ZFTA: variants seen among roughly 807,000 people sequenced by gnomAD.
ZFTA encodes the protein zinc finger translocation-associated protein.
Under a neutral mutation model 41.8 loss-of-function variants are expected in ZFTA, and 35 were observed. That is an observed-to-expected ratio of 0.84 (90% confidence interval 0.64 to 1.11). The LOEUF (loss-of-function observed/expected upper bound fraction) is 1.11. Among genes scored for constraint, ZFTA ranks in the 50% most tolerant of loss-of-function variants. The pLI is 0.00. For missense variants in ZFTA, 964 were observed against 989.8 expected (o/e 0.97, Z 0.35); for synonymous variants, 514 against 436.4 (o/e 1.18, Z -2.22).
Position 63,763,774 on chromosome 11 carries a change from G to C in ZFTA, c.1681C>G (p.Pro561Ala), listed in dbSNP as rs2014693104. 2 of 1,460,356 alleles carry C rather than the reference G, an allele frequency of 1.4e-6. No homozygotes were observed. Among genetic ancestry groups the C allele is most frequent in the South Asian group, 2.9e-5 (2 of 68,866 alleles). 90.5% of individuals were successfully genotyped at this position (1,460,356 alleles called of 1,614,324 possible). ...DGQEPGGLAL[P>A]PPPPPPPPPP... ...GGAGGCGGGGGAGGAGGCGGCGGCG[G>C]CAAGGCGAGTCCCCCAGGCTCCTGG... The change falls in exon 5 of 5, where the codon CCG becomes GCG. Residue 561 changes from proline (P) to alanine (A), a missense_variant. Physicochemically the swap from Pro to Ala is conservative, Grantham distance 27 (BLOSUM62 -1). Coordinates refer to ENST00000433688, the MANE Select transcript of ZFTA (RefSeq NM_001144936.2).
chr11:63,763,579 G>T lies in ZFTA; in HGVS notation c.1876C>A (p.Pro626Thr). 1 of 1,548,590 alleles carries T rather than the reference G, an allele frequency of 6.5e-7. No homozygotes were observed. The change falls in exon 5 of 5, where the codon CCC becomes ACC. Residue 626 changes from proline (P) to threonine (T), a missense_variant. By Grantham distance (38) the Pro-to-Thr change is conservative. Transcript: ENST00000433688. ...TIKRHILQVH[P>T]FSMDFTPEER... Reference sequence around the variant, plus strand: ...TCAGGCGTGAAGTCCATGGAGAAGGGGTGCACCTGCAGGATGTGGCGCTTG... The same window carrying T: ...TCAGGCGTGAAGTCCATGGAGAAGGTGTGCACCTGCAGGATGTGGCGCTTG...
rs1321657785 is a variant in ZFTA at position 63,761,858 on chromosome 11, C to T, written c.*1560G>A. On this transcript the variant is annotated 3_prime_UTR_variant, in exon 5 of 5. Transcript: ENST00000433688. ...TGGGGGTCAGGGATGAGAGGAGGGGCCTCCTCTTTGCCCTCTGCTTTCCCA... is the reference window on the plus strand; with the variant it reads ...TGGGGGTCAGGGATGAGAGGAGGGGTCTCCTCTTTGCCCTCTGCTTTCCCA... 1 of 152,320 alleles carries T rather than the reference C, an allele frequency of 6.6e-6. No homozygotes were observed. Among genetic ancestry groups the T allele is most frequent in the Non-Finnish European group, 1.5e-5 (1 of 68,168 alleles). The allele number at this position is 152,320 out of a possible 1,614,324, so 9.4% of individuals were successfully genotyped here. A position where few individuals can be genotyped will look rare whatever the true frequency, so the allele number is the denominator to read the frequency against.
chr11:63,765,285 G>T lies in ZFTA; in HGVS notation c.638-31C>A. The T allele has an allele frequency of 7.0e-7, 1 of 1,430,692 alleles. No homozygotes were observed. 88.6% of individuals were successfully genotyped at this position (1,430,692 alleles called of 1,614,324 possible). ...AGGGTTGGAGGGAAGGAACTGAGAC[G>T]CTGGCCCCACGGGAGCATACCCACT... On this transcript the variant is annotated intron_variant, in intron 2 of 4. Transcript: ENST00000433688. The surrounding 1 kb of genome is among the most constrained non-coding windows in gnomAD (Gnocchi z 4.0).
chr11:63,765,354 GCC>G lies in ZFTA; in HGVS notation c.638-102_638-101del. ...AGCCTCTCACTCACTTGGGCCCCAG[GCC>G]TAACCTTTGCCCTTCTCTTCCTCTC... On this transcript the variant is annotated intron_variant, in intron 2 of 4. Transcript: ENST00000433688. This position sits in a 1 kb window ranked among gnomAD's most constrained non-coding sequence, Gnocchi z 4.0. The G allele has an allele frequency of 7.7e-7, 1 of 1,301,216 alleles. No homozygotes were observed. The highest frequency in any genetic ancestry group is 1.6e-5 in the South Asian group (1 of 60,768). The allele number at this position is 1,301,216 out of a possible 1,614,324, so 80.6% of individuals were successfully genotyped here.
chr11:63,766,445 G>GGGATGGCAGCAATAAAAC, intron 1 of ZFTA, 141 bp from the exon 2 acceptor site: 1 of 1,180,694 alleles, frequency 8.5e-7, no homozygotes, highest in Non-Finnish European at 1.1e-6. Flanking sequence ...AGCAATAAAA[G>GGGATGGCAGCAATAAAAC]GGATGGTAGA....
rs2014645571 is a variant in ZFTA at position 63,761,896 on chromosome 11, G to C, written c.*1522C>G. On this transcript the variant is annotated 3_prime_UTR_variant, in exon 5 of 5. Coordinates refer to ENST00000433688, the MANE Select transcript of ZFTA (RefSeq NM_001144936.2). The stretch of plus-strand genomic sequence containing the variant: ...CTCTGCTTTCCCACTCCTGGGCTCT[G>C]GCCTGGGGGTCCGGAATAAGAGGGG... 6.6e-6 allele frequency: 1 copy of C among 152,472 alleles called. No individual in the cohort carries two copies. Among genetic ancestry groups the C allele is most frequent in the South Asian group, 2.1e-4 (1 of 4,834 alleles). 9.4% of individuals were successfully genotyped at this position (152,472 alleles called of 1,614,324 possible).
At chr11:63,767,797 T>A (rs1402621051) in intron 1 of ZFTA, among the ~76,000 whole-genome samples, 1 of 151,680 alleles carries the variant, frequency 6.6e-6, no homozygotes, top group Non-Finnish European at 1.5e-5. Context: ...CCGCTAGAGC[T>A]GACAAATTAG....
At chr11:63,764,648 C>T in intron 3 of ZFTA, 50 bp from the exon 4 acceptor site, 1 of 1,268,342 alleles carries the variant, frequency 7.9e-7, no homozygotes, top group Non-Finnish European at 9.9e-7. Context: ...GGCTGGGTTG[C>T]CCTTGCCCAC....
Position 63,763,678 on chromosome 11 carries a change from A to G in ZFTA, c.1777T>C (p.Tyr593His), listed in dbSNP as rs1322009465. ...ACCAGGCCGCGCCGGCTGCCGTCGT[A>G]GTCCATCAGGTACTCGCCCCGCCAC... ...PRWRGEYLMD[Y>H]DGSRRGLVCM... The change falls in exon 5 of 5, where the codon TAC becomes CAC. Residue 593 changes from tyrosine to histidine, a missense_variant. Physicochemically the swap from Tyr to His is moderately conservative, Grantham distance 83 (BLOSUM62 2). Transcript: ENST00000433688. 3.9e-6 allele frequency: 6 copies of G among 1,540,926 alleles called. No individual in the cohort carries two copies. Among genetic ancestry groups the G allele is most frequent in the Non-Finnish European group, 5.3e-6 (6 of 1,142,534 alleles).
At position 63,765,154 on chromosome 11, in the gene ZFTA, C is replaced by T. The variant is rs1430374202; in HGVS notation, c.738G>A (p.Gly246=). ...GCCGGGCCCCCAGCCCCCTGCTGCC[C>T]CCGGCCCTCCGGGAGGCTGAGAGGC... ...RLRLSASRRA[G]GSRGLGARRL... Residue 246 remains glycine (G), a synonymous_variant, in exon 3 of 5, where the codon GGG becomes GGA. Coordinates refer to ENST00000433688, the MANE Select transcript of ZFTA (RefSeq NM_001144936.2). This position sits in a 1 kb window ranked among gnomAD's most constrained non-coding sequence, Gnocchi z 4.0. The T allele has an allele frequency of 6.5e-7, 1 of 1,546,218 alleles. No homozygotes were observed. Among genetic ancestry groups the T allele is most frequent in the Non-Finnish European group, 8.7e-7 (1 of 1,145,770 alleles).
In ZFTA at chr11:63,764,528, G is replaced by C; in HGVS notation, c.1095C>G (p.Ser365=). Residue 365 remains serine (S), a synonymous_variant, in exon 4 of 5, where the codon TCC becomes TCG. Transcript: ENST00000433688. The part of the protein sequence containing the change: ...RDSASAAGAP[S]SQDLSPPDVK... ...CGTCTGGGGGGCTGAGATCCTGAGAGGAGGGGGCTCCAGCAGCGGAGGCCG... is the reference window on the plus strand; with the variant it reads ...CGTCTGGGGGGCTGAGATCCTGAGACGAGGGGGCTCCAGCAGCGGAGGCCG... 1 of 1,257,368 alleles carries C rather than the reference G, an allele frequency of 8.0e-7. No homozygotes were observed. Among genetic ancestry groups the C allele is most frequent in the Non-Finnish European group, 1.0e-6 (1 of 995,570 alleles). 77.9% of individuals were successfully genotyped at this position (1,257,368 alleles called of 1,614,324 possible).
intron 1 of ZFTA, among the ~76,000 whole-genome samples, chr11:63,767,757 T>A (rs1053347363): frequency 1.3e-5 from 2 of 151,934 alleles, no homozygotes; most frequent in Non-Finnish European, 2.9e-5. Flanking sequence ...ACAGTCTCCT[T>A]TGAGAGCGAA....
At chr11:63,766,407 T>C (rs1338026350) in intron 1 of ZFTA, 103 bp from the exon 2 acceptor site, 1 of 1,321,738 alleles carries the variant, frequency 7.6e-7, no homozygotes, top group African/African-American at 1.5e-5. Flanking sequence ...GGGGAGGGGG[T>C]GTTCCGGGGC....
At chr11:63,767,860 G>C (rs2014771935) in intron 1 of ZFTA, among the ~76,000 whole-genome samples, 1 of 152,250 alleles carries the variant, frequency 6.6e-6, no homozygotes, top group Admixed American at 6.5e-5. Flanking sequence ...GGCCGGAGGG[G>C]TGCCTGCCTT....
rs1264519985 is a variant in ZFTA at position 63,762,735 on chromosome 11, C to T, written c.*683G>A. The T allele has an allele frequency of 6.6e-6, 1 of 152,380 alleles. No individual in the cohort carries two copies. The allele number at this position is 152,380 out of a possible 1,614,324, so 9.4% of individuals were successfully genotyped here. A position where few individuals can be genotyped will look rare whatever the true frequency, so the allele number is the denominator to read the frequency against. ...GTGGGGCCGCCGGGCGCACGGTTCT[C>T]ACTGAGCCTGCCGGGGAGGTAAGCG... On this transcript the variant is annotated 3_prime_UTR_variant, in exon 5 of 5. Transcript: ENST00000433688.
Position 63,766,136 on chromosome 11 carries a change from C to T in ZFTA, c.308G>A (p.Arg103His), listed in dbSNP as rs2014741642. The change falls in exon 2 of 5, where the codon CGC (arginine) becomes CAC (histidine). Residue 103 changes from arginine to histidine, a missense_variant. Physicochemically the swap from Arg to His is conservative, Grantham distance 29 (BLOSUM62 0). This residue lies in a region of ZFTA where 141 missense variants were observed against 216.7 expected (regional missense o/e 0.65). Coordinates refer to ENST00000433688, the MANE Select transcript of ZFTA (RefSeq NM_001144936.2). ...KSRIPGRDHR[R>H]YYHDHWRLEY... is the part of the protein sequence containing the mutation. ...CAGCCGCCAGTGGTCGTGGTAGTAG[C>T]GCCGGTGGTCACGGCCAGGGATGCG... 2.0e-6 allele frequency: 3 copies of T among 1,517,628 alleles called. No homozygotes were observed. The highest frequency in any genetic ancestry group is 1.3e-5 in the South Asian group (1 of 78,618). The allele number at this position is 1,517,628 out of a possible 1,614,324, so 94.0% of individuals were successfully genotyped here.
chr11:63,767,908 G>A (rs572892533), intron 1 of ZFTA, among the ~76,000 whole-genome samples: 49 of 152,306 alleles, frequency 3.2e-4, no homozygotes, highest in Non-Finnish European at 5.7e-4. Flanking sequence ...TGCCCGCGGT[G>A]GGAAAAGATG....
rs1417969454 is a variant in ZFTA, at chr11:63,767,035, G to A, written c.140-731C>T. 3.3e-5 allele frequency among the ~76,000 whole-genome samples: 5 copies of A among 152,356 alleles called. No homozygotes were observed. In the East Asian group the frequency reaches 7.7e-4, roughly 24 times the overall value. ...AACTAATGACACTGCGGCAGGGAGT[G>A]GCCACCATCCACTGAAGCCCATTAA... On this transcript the variant is annotated intron_variant, in intron 1 of 4. Transcript: ENST00000433688.
rs2014590355 is a variant in ZFTA at position 63,760,067 on chromosome 11, C to A, written c.*3351G>T. The A allele has an allele frequency of 6.6e-6, 1 of 152,180 alleles. No individual in the cohort carries two copies. Among genetic ancestry groups the A allele is most frequent in the African/African-American group, 2.4e-5 (1 of 41,444 alleles). 9.4% of individuals were successfully genotyped at this position (152,180 alleles called of 1,614,324 possible). A position where few individuals can be genotyped will look rare whatever the true frequency, so the allele number is the denominator to read the frequency against. ...TGCAGAATTTAGTTGTACAGCATAA[C>A]TGTGCATTTGATCTCTGAAAGAAAA... On this transcript the variant is annotated 3_prime_UTR_variant, in exon 5 of 5. Coordinates refer to ENST00000433688, the MANE Select transcript of ZFTA (RefSeq NM_001144936.2).
Sources: gnomAD v4.1 joint callset for allele counts (sites outside exome capture counted in the v4.1 genomes callset) on GRCh38, gnomAD v4.1.1 for gene constraint, gnomAD v4.1.1 regional missense constraint, Gnocchi (gnomAD v3.1) non-coding constraint, MANE v1.5 for transcripts, NCBI Gene and HGNC (gene_info 2026-07-23, HGNC 2026-07-21) for gene names.